Variants in MAP4K5 observed in about 807,000 individuals in gnomAD.
The protein encoded by MAP4K5 is mitogen-activated protein kinase kinase kinase kinase 5, also known as MAPK/ERK kinase kinase kinase 5.
A neutral mutation model predicts 135.6 loss-of-function variants in MAP4K5; 82 were observed. That is an observed-to-expected ratio of 0.60 (90% CI 0.51 to 0.73). The LOEUF (loss-of-function observed/expected upper bound fraction) is 0.73, where lower values mean the gene tolerates loss of function less well. Among genes scored for constraint, MAP4K5 ranks in the 30% least tolerant of loss-of-function variants. The probability of loss-of-function intolerance (pLI) is 0.00; values close to 1 mark genes in which losing one functional copy is unlikely to be tolerated. For synonymous variants in MAP4K5, 347 were observed against 335.0 expected, an observed-to-expected ratio of 1.04 and a Z score of -0.39; for missense variants, 907 against 1,010.9, an observed-to-expected ratio of 0.90 and a Z score of 1.39.
chr14:50,466,982 A>G (rs1482829431), intron 10 of MAP4K5, among the ~76,000 whole-genome samples: 1 of 152,178 alleles, frequency 6.6e-6, no homozygotes, highest in Non-Finnish European at 1.5e-5. Context: ...TCTAATACAT[A>G]GAGATGACAT....
chr14:50,494,212 G>A (rs1033758341), intron 3 of MAP4K5, among the ~76,000 whole-genome samples: 1 of 151,608 alleles, frequency 6.6e-6, no homozygotes, highest in Non-Finnish European at 1.5e-5. Context: ...CTGTCACCCA[G>A]GCTGGAGTGC....
chr14:50,434,610 C>G, intron 27 of MAP4K5, 39 bp from the exon 28 acceptor site: 1 of 1,530,668 alleles, frequency 6.5e-7, no homozygotes, highest in Non-Finnish European at 8.8e-7. Flanking sequence ...AATTCAGAAA[C>G]AATCTCCCCA....
intron 1 of MAP4K5, among the ~76,000 whole-genome samples, chr14:50,548,105 G>C (rs535937313): frequency 1.4e-4 from 21 of 152,248 alleles, no homozygotes; most frequent in African/African-American, 5.1e-4. Flanking sequence ...ACAGGGGCCC[G>C]GGATAGGGGC....
At chr14:50,479,474 T>C (rs573331297) in intron 6 of MAP4K5, among the ~76,000 whole-genome samples, 5 of 152,182 alleles carry the variant, frequency 3.3e-5, no homozygotes, top group Non-Finnish European at 7.3e-5. Context: ...GTTAATTCCA[T>C]CCAAAGCTCA....
chr14:50,555,229 T>C (rs917304085), intron 1 of MAP4K5, among the ~76,000 whole-genome samples: 1 of 152,082 alleles, frequency 6.6e-6, no homozygotes, highest in Non-Finnish European at 1.5e-5. Context: ...AAGTGAAAGA[T>C]GGAAGAAGGC....
chr14:50,421,607 G>T (rs1433349221), intron 32 of MAP4K5, among the ~76,000 whole-genome samples: 2 of 151,736 alleles, frequency 1.3e-5, no homozygotes, highest in African/African-American at 4.8e-5. Context: ...CAAAAACTCT[G>T]TTTAGATATG....
intron 15 of MAP4K5, 55 bp from the exon 16 acceptor site, chr14:50,447,536 T>G: frequency 1.0e-6 from 1 of 967,688 alleles, no homozygotes; most frequent in Non-Finnish European, 1.5e-6. Context: ...TATTAACCAT[T>G]TTATTTGATT....
intron 9 of MAP4K5, among the ~76,000 whole-genome samples, chr14:50,470,157 T>C (rs1338252408): frequency 1.3e-5 from 2 of 152,116 alleles, no homozygotes; most frequent in Admixed American, 1.3e-4. Context: ...TGGAATCAGC[T>C]AGTGGTGGCT....
At chr14:50,432,556 CAAAAAAAA>C (rs56267301) in intron 28 of MAP4K5, among the ~76,000 whole-genome samples, 2 of 139,922 alleles carry the variant, frequency 1.4e-5, no homozygotes, top group Non-Finnish European at 3.0e-5. Context: ...ACAAAACTCT[CAAAAAAAA>C]AAAAAAAAAA....
At chr14:50,512,352 T>C (rs1284646871) in intron 2 of MAP4K5, among the ~76,000 whole-genome samples, 4 of 151,974 alleles carry the variant, frequency 2.6e-5, no homozygotes, top group African/African-American at 9.7e-5. Context: ...AAGGATACCT[T>C]GATTTTTTTA....
intron 13 of MAP4K5, among the ~76,000 whole-genome samples, chr14:50,459,708 T>A (rs1361868371): frequency 6.6e-6 from 1 of 151,514 alleles, no homozygotes; most frequent in African/African-American, 2.4e-5. Context: ...TCTTTTTTTT[T>A]TTTTCCTGAG....
intron 13 of MAP4K5, among the ~76,000 whole-genome samples, chr14:50,457,229 C>A (rs1001870990): frequency 6.6e-6 from 1 of 152,108 alleles, no homozygotes; most frequent in Non-Finnish European, 1.5e-5. Flanking sequence ...CAGCCTGGGG[C>A]TCTTCACCTC....
At chr14:50,436,132 G>C (rs1263552081) in intron 26 of MAP4K5, among the ~76,000 whole-genome samples, 1 of 152,172 alleles carries the variant, frequency 6.6e-6, no homozygotes, top group Non-Finnish European at 1.5e-5. Context: ...TAGGAAGTTA[G>C]GAACTTAAGA....
chr14:50,443,757 T>C lies in MAP4K5; in HGVS notation c.1451A>G (p.Asn484Ser), dbSNP rs756024576. The change falls in exon 20 of 33, where the codon AAT (asparagine) becomes AGT (serine). Residue 484 changes from asparagine to serine, a missense_variant. Asn to Ser is a conservative substitution (Grantham distance 46). Around this residue, in one of 3 missense-constraint regions of MAP4K5, gnomAD observed 690 missense variants for 777.4 expected, o/e 0.89. Transcript: ENST00000682126. ...DKRDFPKPAI[N>S]GLPPTPKVLM... Reference sequence around the variant, plus strand: ...AACTTTTGGGGTGGGTGGAAGGCCATTGATGGCTGGTTTCTATGGGAAAAA... The same window carrying C: ...AACTTTTGGGGTGGGTGGAAGGCCACTGATGGCTGGTTTCTATGGGAAAAA... 18 of 1,600,040 alleles carry C rather than the reference T, an allele frequency of 1.1e-5. No homozygotes were observed. Among genetic ancestry groups the C allele is most frequent in the Middle Eastern group, 1.7e-4 (1 of 5,988 alleles).
intron 11 of MAP4K5, among the ~76,000 whole-genome samples, chr14:50,465,698 A>C (rs1345215178): frequency 1.3e-5 from 2 of 152,210 alleles, no homozygotes; most frequent in Admixed American, 1.3e-4. Context: ...TCATGTAATC[A>C]CTTCTAATTC....
chr14:50,521,917 C>T (rs921454529), intron 2 of MAP4K5, among the ~76,000 whole-genome samples: 4 of 152,116 alleles, frequency 2.6e-5, no homozygotes, highest in Admixed American at 6.5e-5. Context: ...TCAAAATAGT[C>T]CAATACCACC....
intron 14 of MAP4K5, chr14:50,456,274 T>A (rs1023992931): frequency 6.4e-6 from 3 of 470,358 alleles, no homozygotes; most frequent in African/African-American, 2.0e-5. Context: ...TTTCTCTTTT[T>A]TTTCTTGCAG....
chr14:50,519,547 G>C (rs1311568418), intron 2 of MAP4K5, among the ~76,000 whole-genome samples: 1 of 152,022 alleles, frequency 6.6e-6, no homozygotes, highest in Non-Finnish European at 1.5e-5. Flanking sequence ...CCAGCTACTC[G>C]GGAGACTGAA....
rs187256733 is a variant in MAP4K5, at chr14:50,442,847, T to C, written c.1480-31A>G. ...TTATAAAGAAAGAAATGTTAACTTATTTGATTAGAAAATTTTATATATTCT... is the reference window on the plus strand; with the variant it reads ...TTATAAAGAAAGAAATGTTAACTTACTTGATTAGAAAATTTTATATATTCT... On this transcript the variant is annotated intron_variant, in intron 20 of 32. Coordinates refer to ENST00000682126, the MANE Select transcript of MAP4K5 (RefSeq NM_006575.6). 605 of 1,308,456 alleles carry C rather than the reference T, an allele frequency of 4.6e-4. 3 individuals carry two copies. The African/African-American group carries it at 8.0e-3, about 17-fold the overall frequency. 81.1% of individuals were successfully genotyped at this position (1,308,456 alleles called of 1,614,324 possible). A position where few individuals can be genotyped will look rare whatever the true frequency, so the allele number is the denominator to read the frequency against.
Sources: allele counts gnomAD v4.1 joint callset (sites outside exome capture counted in the v4.1 genomes callset), GRCh38; gene constraint gnomAD v4.1.1; regional missense constraint gnomAD v4.1.1; transcripts MANE v1.5; gene names NCBI Gene and HGNC (gene_info 2026-07-23, HGNC 2026-07-21).